Variants in KAT2B observed in about 807,000 individuals in gnomAD.
KAT2B encodes the protein lysine acetyltransferase 2B, also known as histone acetyltransferase KAT2B.
In KAT2B, 36 loss-of-function variants were observed where a neutral mutation model predicts 105.9. The observed-to-expected ratio is 0.34, with a 90% CI of 0.26 to 0.45. KAT2B has a LOEUF of 0.45. KAT2B is among the 20% of genes least tolerant of loss of function. KAT2B has a pLI of 1.00. For missense variants in KAT2B, 820 were observed against 1,021.6 expected (o/e 0.80, Z 2.69); for synonymous variants, 397 against 377.9 (o/e 1.05, Z -0.59).
chr3:20,050,934 C>T (rs928920911), intron 1 of KAT2B, among the ~76,000 whole-genome samples: 2 of 152,048 alleles, frequency 1.3e-5, no homozygotes, highest in African/African-American at 4.8e-5. Flanking sequence ...GGTATGGTGG[C>T]TCATGCCTAT....
intron 1 of KAT2B, among the ~76,000 whole-genome samples, chr3:20,048,855 G>A (rs1483062356): frequency 6.6e-6 from 1 of 152,094 alleles, no homozygotes; most frequent in African/African-American, 2.4e-5. Flanking sequence ...TCTATGCTGG[G>A]TGCCTTTGGG....
At chr3:20,131,285 G>C (rs929065216) in intron 11 of KAT2B, among the ~76,000 whole-genome samples, 1 of 151,946 alleles carries the variant, frequency 6.6e-6, no homozygotes, top group African/African-American at 2.4e-5. Context: ...AAAGTGCTGG[G>C]ATTACAGTTG....
At chr3:20,055,769 C>G (rs547907621) in intron 1 of KAT2B, among the ~76,000 whole-genome samples, 4 of 152,304 alleles carry the variant, frequency 2.6e-5, no homozygotes, top group African/African-American at 7.2e-5. Context: ...CAAGACAGAA[C>G]TTTTCCATCC....
chr3:20,045,252 A>G (rs1381820271), intron 1 of KAT2B, among the ~76,000 whole-genome samples: 3 of 152,084 alleles, frequency 2.0e-5, no homozygotes, highest in Non-Finnish European at 4.4e-5. Flanking sequence ...TCCTGGGCTC[A>G]AGCAATCTGC....
intron 5 of KAT2B, among the ~76,000 whole-genome samples, chr3:20,108,076 C>T (rs919371961): frequency 1.3e-5 from 2 of 152,066 alleles, no homozygotes; most frequent in Non-Finnish European, 2.9e-5. Flanking sequence ...TCCCAAAGTC[C>T]TGGGATTACA....
At chr3:20,148,085 T>C in intron 15 of KAT2B, 86 bp downstream of exon 15, 7 of 1,420,260 alleles carry the variant, frequency 4.9e-6, no homozygotes, top group Non-Finnish European at 6.9e-6. Context: ...GCAAACTAAT[T>C]GTAATCACTA....
intron 2 of KAT2B, among the ~76,000 whole-genome samples, chr3:20,072,827 T>C (rs1171404158): frequency 6.6e-6 from 1 of 152,162 alleles, no homozygotes; most frequent in East Asian, 1.9e-4. Context: ...AACCAACTGG[T>C]TTAATGATAA....
At chr3:20,099,835 T>G in intron 3 of KAT2B, 27 bp from the exon 4 acceptor site, 1 of 1,326,190 alleles carries the variant, frequency 7.5e-7, no homozygotes, top group Non-Finnish European at 1.1e-6. Context: ...GTTTTTCTTT[T>G]TCTTTTTTTT....
intron 2 of KAT2B, among the ~76,000 whole-genome samples, chr3:20,092,404 A>G (rs1185958562): frequency 1.3e-5 from 2 of 151,132 alleles, no homozygotes; most frequent in Admixed American, 6.6e-5. Flanking sequence ...TATTTTTTGC[A>G]TTTTCAGTAG....
intron 2 of KAT2B, among the ~76,000 whole-genome samples, chr3:20,094,274 C>T (rs1483287889): frequency 3.3e-5 from 5 of 151,996 alleles, no homozygotes; most frequent in South Asian, 4.1e-4. Context: ...AGCGAGCGAG[C>T]GAGGAGGGAC....
intron 2 of KAT2B, among the ~76,000 whole-genome samples, chr3:20,078,938 G>T (rs1224555164): frequency 6.7e-6 from 1 of 148,624 alleles, no homozygotes; most frequent in Non-Finnish European, 1.5e-5. Context: ...GCAGTGGCGC[G>T]ATCTCCACGA....
intron 17 of KAT2B, among the ~76,000 whole-genome samples, chr3:20,152,070 T>G (rs548124412): frequency 6.6e-6 from 1 of 152,158 alleles, no homozygotes; most frequent in African/African-American, 2.4e-5. Flanking sequence ...TTGTGCTGAA[T>G]AGGGGATTGA....
In KAT2B at chr3:20,107,409, G is replaced by A. The variant is rs184787029; in HGVS notation, c.852-4187G>A. Among the ~76,000 whole-genome samples, 235 of 151,686 alleles carry A rather than the reference G, an allele frequency of 1.5e-3. 1 individual carries two copies. The highest frequency in any genetic ancestry group is 4.4e-3 in the African/African-American group (182 of 41,436). ...GCGGTGGCCCACGCCAGTAATCCTAGCACTTTGGGAGGCCAAGGCGGATGG... is the reference window on the plus strand; with the variant it reads ...GCGGTGGCCCACGCCAGTAATCCTAACACTTTGGGAGGCCAAGGCGGATGG... On this transcript the variant is annotated intron_variant, in intron 5 of 17. Transcript: ENST00000263754.
At chr3:20,072,647 T>C (rs565153650) in intron 2 of KAT2B, among the ~76,000 whole-genome samples, 188 bp downstream of exon 2, 1 of 152,346 alleles carries the variant, frequency 6.6e-6, no homozygotes, top group African/African-American at 2.4e-5. Context: ...TGCTGCACTG[T>C]GTGCAGTGAC....
rs1388699661 is a variant in KAT2B, at chr3:20,145,557, T to G, written c.2005-759T>G. On this transcript the variant is annotated intron_variant, in intron 13 of 17. Coordinates refer to ENST00000263754, the MANE Select transcript of KAT2B (RefSeq NM_003884.5). ...ATTTCCGGATGGGATTTTTTTAGTT[T>G]TTTTTTTTTTTTTTTTTTTTTTATT... is the stretch of plus-strand genomic sequence containing the variant. Among the ~76,000 whole-genome samples the G allele has an allele frequency of 1.2e-4, 6 of 49,672 alleles. No homozygotes were observed. In the East Asian group the frequency reaches 7.2e-3, roughly 59 times the overall value. 32.6% of individuals were successfully genotyped at this position (49,672 alleles called of 152,430 possible).
chr3:20,080,473 T>C (rs928477179), intron 2 of KAT2B, among the ~76,000 whole-genome samples: 9 of 152,364 alleles, frequency 5.9e-5, no homozygotes, highest in Non-Finnish European at 1.2e-4. Context: ...TTCCTTCTTA[T>C]ATAACTATAA....
At chr3:20,118,100 C>T (rs561963828) in intron 7 of KAT2B, among the ~76,000 whole-genome samples, 10 of 148,210 alleles carry the variant, frequency 6.7e-5, no homozygotes, top group African/African-American at 2.5e-4. Context: ...TTAATTCTCT[C>T]CACTCTTCCC....
intron 1 of KAT2B, among the ~76,000 whole-genome samples, chr3:20,054,363 G>A (rs565509875): frequency 3.2e-4 from 48 of 152,078 alleles, no homozygotes; most frequent in East Asian, 2.5e-3. Context: ...TCCTGACCTC[G>A]TGATCCACCC....
rs537657820 is a variant in KAT2B, at chr3:20,114,457, G to C, written c.1044-425G>C. Among the ~76,000 whole-genome samples the C allele has an allele frequency of 9.9e-5, 15 of 152,240 alleles. No homozygotes were observed. The South Asian group carries it at 1.2e-3, about 13-fold the overall frequency. ...TAAAAATAGAATATATAACTCATAG[G>C]GTTGATGTGAGGATTCAGTAAGAAG... On this transcript the variant is annotated intron_variant, in intron 6 of 17. Transcript: ENST00000263754.
Sources: allele counts gnomAD v4.1 joint callset (sites outside exome capture counted in the v4.1 genomes callset), GRCh38; gene constraint gnomAD v4.1.1; transcripts MANE v1.5; gene names NCBI Gene and HGNC (gene_info 2026-07-23, HGNC 2026-07-21).